Variants in IL1RAPL1 observed in about 807,000 individuals in gnomAD.
The protein encoded by IL1RAPL1 is interleukin 1 receptor accessory protein like 1.
Under a neutral mutation model 48.4 loss-of-function variants are expected in IL1RAPL1, and 3 were observed. The ratio of observed to expected loss-of-function variants is 0.06; its 90% CI spans 0.03 to 0.16. The LOEUF is 0.16. Among genes scored for constraint, IL1RAPL1 ranks in the 10% least tolerant of loss-of-function variants. The pLI is 1.00. For synonymous variants in IL1RAPL1, 185 were observed against 187.7 expected (o/e 0.99, Z 0.12); for missense variants, 349 against 530.6 (o/e 0.66, Z 3.36).
chrX:28,845,718 T>C (rs746438271), intron 2 of IL1RAPL1, among the ~76,000 whole-genome samples: 12 of 112,157 alleles, frequency 1.1e-4, no homozygotes, highest in Non-Finnish European at 2.1e-4. Context: ...TGTATACTTA[T>C]AACACATATT....
chrX:29,790,876 A>C (rs1316730324), intron 6 of IL1RAPL1, among the ~76,000 whole-genome samples: 1 of 112,069 alleles, frequency 8.9e-6, no homozygotes, highest in Non-Finnish European at 1.9e-5. Flanking sequence ...CCTGGAATCA[A>C]GTCCAAACTC....
chrX:28,804,022 C>T, intron 2 of IL1RAPL1, among the ~76,000 whole-genome samples: 1 of 111,643 alleles, frequency 9.0e-6, no homozygotes, highest in Non-Finnish European at 1.9e-5. Context: ...GAATCATATC[C>T]TGAAAATTGT....
chrX:29,342,893 A>C (rs1933101981), intron 3 of IL1RAPL1, among the ~76,000 whole-genome samples: 1 of 112,027 alleles, frequency 8.9e-6, no homozygotes, highest in African/African-American at 3.2e-5. Context: ...ATAATAAGGG[A>C]CCATTGCTAG....
At chrX:29,816,195 CAG>C (rs776035817) in intron 6 of IL1RAPL1, among the ~76,000 whole-genome samples, 77 of 110,673 alleles carry the variant, frequency 7.0e-4, no homozygotes, top group Middle Eastern at 4.7e-3. Flanking sequence ...CAAAGAAAAA[CAG>C]AGAGAAGATC....
chrX:29,396,192 C>A (rs1933917093), intron 3 of IL1RAPL1, 66 bp from the exon 4 acceptor site: 1 of 930,061 alleles, frequency 1.1e-6, no homozygotes, highest in Non-Finnish European at 1.6e-6. Flanking sequence ...GAATTAAATA[C>A]ACTGCCTTGG....
intron 1 of IL1RAPL1, among the ~76,000 whole-genome samples, chrX:28,692,626 A>G (rs1935190967): frequency 8.9e-6 from 1 of 111,970 alleles, no homozygotes; most frequent in Non-Finnish European, 1.9e-5. Context: ...ATAGATTTTA[A>G]TAAGAACTAT....
intron 6 of IL1RAPL1, among the ~76,000 whole-genome samples, chrX:29,876,966 A>G (rs1272358225): frequency 8.9e-6 from 1 of 111,792 alleles, no homozygotes; most frequent in Non-Finnish European, 1.9e-5. Context: ...CCACAGAGGG[A>G]GACTTTTAAT....
At chrX:29,821,555 C>A (rs997033486) in intron 6 of IL1RAPL1, among the ~76,000 whole-genome samples, 4 of 112,476 alleles carry the variant, frequency 3.6e-5, no homozygotes, top group African/African-American at 9.7e-5. Context: ...TTCTTCAGGT[C>A]ACTTACAAGA....
intron 5 of IL1RAPL1, among the ~76,000 whole-genome samples, chrX:29,643,447 A>C (rs777207155): frequency 1.8e-5 from 2 of 112,296 alleles, no homozygotes; most frequent in African/African-American, 6.5e-5. Context: ...TATTGTTTAT[A>C]GCACTTTTTA....
intron 6 of IL1RAPL1, among the ~76,000 whole-genome samples, chrX:29,831,786 G>T (rs1236132135): frequency 9.0e-6 from 1 of 111,305 alleles, no homozygotes; most frequent in Non-Finnish European, 1.9e-5. Context: ...TGATAAAACA[G>T]AAACTTTTCC....
intron 6 of IL1RAPL1, among the ~76,000 whole-genome samples, chrX:29,803,150 T>C (rs188343260): frequency 1.1e-5 from 1 of 89,496 alleles, no homozygotes; most frequent in Non-Finnish European, 2.1e-5. Flanking sequence ...TGTATATATG[T>C]GTATACATGC....
intron 2 of IL1RAPL1, among the ~76,000 whole-genome samples, chrX:29,190,573 T>G (rs959421222): frequency 1.8e-5 from 2 of 112,380 alleles, no homozygotes; most frequent in Admixed American, 1.9e-4. Flanking sequence ...TTGTATATTC[T>G]TGTCAAGAAC....
At chrX:29,043,448 CACTTA>C (rs1485861615) in intron 2 of IL1RAPL1, among the ~76,000 whole-genome samples, 2 of 110,494 alleles carry the variant, frequency 1.8e-5, no homozygotes. Context: ...GTCATAAAGT[CACTTA>C]ACTTTTTTTC....
chrX:29,212,490 G>C (rs770916824), intron 2 of IL1RAPL1, among the ~76,000 whole-genome samples: 238 of 110,967 alleles, frequency 2.1e-3, no homozygotes, highest in Middle Eastern at 9.3e-3. Flanking sequence ...TGTATTTTAA[G>C]TAGAGACGGG....
At chrX:29,020,151 A>G (rs1353974218) in intron 2 of IL1RAPL1, among the ~76,000 whole-genome samples, 1 of 112,603 alleles carries the variant, frequency 8.9e-6, no homozygotes, top group Non-Finnish European at 1.9e-5. Context: ...GAGCAAATGC[A>G]TTAATAAGTG....
chrX:29,514,596 G>A lies in IL1RAPL1; in HGVS notation c.703+115288G>A, dbSNP rs376740131. Among the ~76,000 whole-genome samples the A allele has an allele frequency of 1.3e-4, 15 of 111,625 alleles. No homozygotes were observed. In the South Asian group the frequency reaches 3.0e-3, roughly 22 times the overall value. The stretch of plus-strand genomic sequence containing the variant: ...CCCCAGTAGCTGGGATCACAGGTGC[G>A]CACCACCACGCCCGGCTAATTTTTG... On this transcript the variant is annotated intron_variant, in intron 5 of 10. Coordinates refer to ENST00000378993, the MANE Select transcript of IL1RAPL1 (RefSeq NM_014271.4).
intron 2 of IL1RAPL1, among the ~76,000 whole-genome samples, chrX:29,049,903 A>T (rs1384319368): frequency 8.9e-6 from 1 of 112,240 alleles, no homozygotes; most frequent in African/African-American, 3.2e-5. Flanking sequence ...ATATTGATAA[A>T]TTACTGTAAA....
intron 1 of IL1RAPL1, among the ~76,000 whole-genome samples, chrX:28,768,106 AC>A (rs1450481877): frequency 2.8e-4 from 31 of 111,554 alleles, no homozygotes; most frequent in African/African-American, 1.0e-3. Context: ...TGAATATTAA[AC>A]ACATCGTGTG....
chrX:29,592,915 C>T (rs4829112), intron 5 of IL1RAPL1, among the ~76,000 whole-genome samples: 38,218 of 110,752 alleles, frequency 0.35, 4,853 homozygotes, highest in South Asian at 0.54. Context: ...AAATTGCTGG[C>T]CTTCTCTGAA....
Sources: gnomAD v4.1 joint callset for allele counts (sites outside exome capture counted in the v4.1 genomes callset) on GRCh38, gnomAD v4.1.1 for gene constraint, MANE v1.5 for transcripts, NCBI Gene and HGNC (gene_info 2026-07-23, HGNC 2026-07-21) for gene names.